The following ATXN2 variants were observed in gnomAD, a reference collection of about 807,000 sequenced individuals.
ATXN2 encodes the protein ataxin-2.
A neutral mutation model predicts 138.6 loss-of-function variants in ATXN2; 37 were observed. That is an observed-to-expected ratio of 0.27 (90% CI 0.21 to 0.35). ATXN2 has a LOEUF of 0.35. ATXN2 is among the 10% of genes least tolerant of loss of function. ATXN2 has a pLI of 1.00. For missense variants in ATXN2, 1,216 were observed against 1,480.3 expected, an observed-to-expected ratio of 0.82 and a Z score of 2.93; for synonymous variants, 549 against 543.7, an observed-to-expected ratio of 1.01 and a Z score of -0.13.
chr12:111,483,194 T>TACATACAC (rs1555231600), intron 18 of ATXN2, among the ~76,000 whole-genome samples: 1 of 95,422 alleles, frequency 1.0e-5, no homozygotes, highest in Non-Finnish European at 1.9e-5. Context: ...ATCAAACACA[T>TACATACAC]ACACACACAC....
At chr12:111,526,596 G>C (rs1182692093) in intron 5 of ATXN2, among the ~76,000 whole-genome samples, 1 of 151,824 alleles carries the variant, frequency 6.6e-6, no homozygotes, top group Non-Finnish European at 1.5e-5. Flanking sequence ...GCAGAGACAG[G>C]GTTTCACCAT....
chr12:111,568,544 T>C (rs1306276012), intron 1 of ATXN2, among the ~76,000 whole-genome samples: 1 of 152,172 alleles, frequency 6.6e-6, no homozygotes, highest in Non-Finnish European at 1.5e-5. Context: ...CTAATTTTCT[T>C]TGGCATAAGG....
chr12:111,479,255 T>C (rs1452953565), intron 18 of ATXN2, among the ~76,000 whole-genome samples: 1 of 150,798 alleles, frequency 6.6e-6, no homozygotes, highest in Non-Finnish European at 1.5e-5. Context: ...TACCCAGCAA[T>C]AAAAAGGAAT....
chr12:111,453,020 A>G lies in ATXN2; in HGVS notation c.3440-180T>C. 7.6e-7 allele frequency: 1 copy of G among 1,317,988 alleles called. No individual in the cohort carries two copies. Among genetic ancestry groups the G allele is most frequent in the Non-Finnish European group, 9.7e-7 (1 of 1,035,684 alleles). The allele number at this position is 1,317,988 out of a possible 1,614,324, so 81.6% of individuals were successfully genotyped here. Reference sequence around the variant, plus strand: ...GGGAGGGTTGGGTGGGTGGGTAGAAACAAACCAGTCAGACGTAAAACCACT... The same window carrying G: ...GGGAGGGTTGGGTGGGTGGGTAGAAGCAAACCAGTCAGACGTAAAACCACT... On this transcript the variant is annotated intron_variant, in intron 24 of 24. Transcript: ENST00000673436. This position sits in a 1 kb window ranked among gnomAD's most constrained non-coding sequence, Gnocchi z 5.4.
At chr12:111,586,323 G>GCGA in intron 1 of ATXN2, among the ~76,000 whole-genome samples, 2 of 150,480 alleles carry the variant, frequency 1.3e-5, no homozygotes, top group Middle Eastern at 7.0e-3. Context: ...CCGGGTTCAA[G>GCGA]CGATTCTCCT....
intron 14 of ATXN2, among the ~76,000 whole-genome samples, chr12:111,508,024 G>A (rs977552322): frequency 2.0e-5 from 3 of 152,134 alleles, no homozygotes; most frequent in Non-Finnish European, 2.9e-5. Flanking sequence ...AAACACTGCG[G>A]AAGGCCGCAG....
chr12:111,557,742 G>A (rs558188743), intron 1 of ATXN2, among the ~76,000 whole-genome samples: 4 of 152,166 alleles, frequency 2.6e-5, no homozygotes, highest in Admixed American at 6.5e-5. Context: ...AAACTACCTC[G>A]CCTAACAAAA....
intron 1 of ATXN2, chr12:111,581,648 G>C: frequency 1.3e-6 from 1 of 750,336 alleles, no homozygotes; most frequent in Non-Finnish European, 2.5e-6. Context: ...GAAGATGGTT[G>C]GCGACCTGAT....
chr12:111,502,204 A>G (rs1178277875), intron 14 of ATXN2, among the ~76,000 whole-genome samples: 2 of 152,080 alleles, frequency 1.3e-5, no homozygotes, highest in East Asian at 1.9e-4. Context: ...ACACTGTTCT[A>G]AACTATTTAT....
intron 1 of ATXN2, among the ~76,000 whole-genome samples, chr12:111,559,253 A>T (rs1882546469): frequency 6.6e-6 from 1 of 151,160 alleles, no homozygotes; most frequent in Non-Finnish European, 1.5e-5. Flanking sequence ...GGTACGCGTC[A>T]CCATGCCCAG....
chr12:111,490,433 T>C (rs1877947529), intron 14 of ATXN2, among the ~76,000 whole-genome samples: 1 of 152,032 alleles, frequency 6.6e-6, no homozygotes, highest in African/African-American at 2.4e-5. Context: ...GCGCTGGGCC[T>C]AGTCAGCTTG....
At chr12:111,573,500 T>C (rs1432969280) in intron 1 of ATXN2, among the ~76,000 whole-genome samples, 1 of 152,126 alleles carries the variant, frequency 6.6e-6, no homozygotes, top group Admixed American at 6.6e-5. Context: ...CCAGCCTTCT[T>C]CACTGATTTT....
intron 14 of ATXN2, among the ~76,000 whole-genome samples, chr12:111,490,212 TAAAAAAA>T (rs77519297): frequency 3.3e-5 from 4 of 120,484 alleles, no homozygotes. Context: ...ATCTAAAAAT[TAAAAAAA>T]AAAAAAAAAA....
intron 5 of ATXN2, among the ~76,000 whole-genome samples, chr12:111,544,119 G>A (rs559354961): frequency 1.3e-5 from 2 of 152,180 alleles, no homozygotes; most frequent in Non-Finnish European, 2.9e-5. Context: ...AGAATTACAT[G>A]TAAAATCTAC....
intron 1 of ATXN2, among the ~76,000 whole-genome samples, chr12:111,580,487 C>G (rs1362919168): frequency 6.9e-6 from 1 of 143,988 alleles, no homozygotes; most frequent in African/African-American, 2.6e-5. Context: ...CCCTGAGCAA[C>G]AGAGGAAGAT....
rs930099608 is a variant in ATXN2 at position 111,598,474 on chromosome 12, C to G, written c.251+310G>C. The G allele has an allele frequency of 1.0e-6, 1 of 985,192 alleles. No homozygotes were observed. Among genetic ancestry groups the G allele is most frequent in the African/African-American group, 1.7e-5 (1 of 57,166 alleles). 61.0% of individuals were successfully genotyped at this position (985,192 alleles called of 1,614,324 possible). On this transcript the variant is annotated intron_variant, in intron 1 of 24. Transcript: ENST00000673436. The surrounding 1 kb of genome is among the most constrained non-coding windows in gnomAD (Gnocchi z 4.5). ...TGCGGAAGGGGGAGCCGGGGCTGAC[C>G]ATCGCCGCTACCCGAGAACCCCTCC... is the stretch of plus-strand genomic sequence containing the variant.
chr12:111,552,390 T>C lies in ATXN2; in HGVS notation c.461A>G (p.Glu154Gly). The part of the protein sequence containing the change: ...VLDAAHEKST[E>G]SSSGPKREEI... ...TTCACGTTTCGGCCCCGAACTGGAT[T>C]CTGTACTTTTCTCATGTGCGGCATC... The change falls in exon 5 of 25, where the codon GAA (glutamate) becomes GGA (glycine). Residue 154 changes from glutamate (E) to glycine (G), a missense_variant. Around this residue, in one of 4 missense-constraint regions of ATXN2, gnomAD observed 401 missense variants for 528.1 expected, o/e 0.76. Transcript: ENST00000673436. This position sits in a 1 kb window ranked among gnomAD's most constrained non-coding sequence, Gnocchi z 4.1. 6.2e-7 allele frequency: 1 copy of C among 1,613,564 alleles called. No homozygotes were observed. The highest frequency in any genetic ancestry group is 8.5e-7 in the Non-Finnish European group (1 of 1,179,840).
chr12:111,563,251 T>C (rs1490517221), intron 1 of ATXN2, among the ~76,000 whole-genome samples: 1 of 152,130 alleles, frequency 6.6e-6, no homozygotes, highest in Non-Finnish European at 1.5e-5. Context: ...GATTGGTTCT[T>C]GGACAGAGGG....
At chr12:111,541,066 T>C (rs1445550204) in intron 5 of ATXN2, among the ~76,000 whole-genome samples, 2 of 150,274 alleles carry the variant, frequency 1.3e-5, no homozygotes, top group African/African-American at 4.8e-5. Context: ...CTGGTAGTCA[T>C]GCTTATAAAG....
Sources: allele counts gnomAD v4.1 joint callset (sites outside exome capture counted in the v4.1 genomes callset), GRCh38; gene constraint gnomAD v4.1.1; regional missense constraint gnomAD v4.1.1; non-coding constraint Gnocchi (gnomAD v3.1); transcripts MANE v1.5; gene names NCBI Gene and HGNC (gene_info 2026-07-23, HGNC 2026-07-21).